CLMN: variants seen among roughly 807,000 people sequenced by gnomAD.
CLMN encodes calmin.
Under a neutral mutation model 92.7 loss-of-function variants are expected in CLMN, and 57 were observed. That is an observed-to-expected ratio of 0.61 (90% CI 0.50 to 0.77). The LOEUF (loss-of-function observed/expected upper bound fraction) is 0.77, where lower values mean the gene tolerates loss of function less well. Among genes scored for constraint, CLMN ranks in the 30% least tolerant of loss-of-function variants. CLMN has a pLI of 0.00. For synonymous variants in CLMN, 466 were observed against 470.6 expected (o/e 0.99, Z 0.13); for missense variants, 1,158 against 1,237.5 (o/e 0.94, Z 0.96).
At chr14:95,245,254 A>AATATAT (rs1194306550) in intron 1 of CLMN, among the ~76,000 whole-genome samples, 1 of 27,976 alleles carries the variant, frequency 3.6e-5, no homozygotes, top group Non-Finnish European at 5.8e-5. Flanking sequence ...ATATATATAT[A>AATATAT]ATATATATAT....
chr14:95,231,911 T>G (rs1182197533), intron 1 of CLMN, among the ~76,000 whole-genome samples: 2 of 152,268 alleles, frequency 1.3e-5, no homozygotes, highest in East Asian at 3.8e-4. Context: ...ATTTAATCCT[T>G]ACTACCATCC....
chr14:95,304,483 G>A (rs117136696), intron 1 of CLMN, among the ~76,000 whole-genome samples: 306 of 152,216 alleles, frequency 2.0e-3, no homozygotes, highest in Non-Finnish European at 3.6e-3. Flanking sequence ...AAAGTGCAGG[G>A]ATGCACTAAG....
intron 1 of CLMN, among the ~76,000 whole-genome samples, chr14:95,248,502 A>G (rs1898659294): frequency 1.3e-5 from 2 of 152,182 alleles, no homozygotes; most frequent in Non-Finnish European, 2.9e-5. Context: ...ATTACACAGT[A>G]CTGTCCGTTG....
intron 1 of CLMN, among the ~76,000 whole-genome samples, chr14:95,245,241 TATA>T (rs1898481052): frequency 5.9e-5 from 2 of 33,664 alleles, no homozygotes; most frequent in Non-Finnish European, 9.1e-5. Context: ...ATATATATTA[TATA>T]TATATATATA....
At chr14:95,300,685 A>C (rs763931205) in intron 1 of CLMN, among the ~76,000 whole-genome samples, 3 of 152,172 alleles carry the variant, frequency 2.0e-5, no homozygotes, top group Non-Finnish European at 1.5e-5. Flanking sequence ...TTCCACTTAA[A>C]AACACTACCT....
intron 1 of CLMN, among the ~76,000 whole-genome samples, chr14:95,311,437 C>T (rs2140798152): frequency 6.6e-6 from 1 of 152,246 alleles, no homozygotes; most frequent in Middle Eastern, 3.4e-3. Flanking sequence ...GTCTGCAGTT[C>T]TGCAGGAGCT....
At chr14:95,280,011 T>C (rs993563397) in intron 1 of CLMN, among the ~76,000 whole-genome samples, 1 of 152,044 alleles carries the variant, frequency 6.6e-6, no homozygotes, top group Non-Finnish European at 1.5e-5. Context: ...TAAAGGATTA[T>C]ATTAAGTTAG....
chr14:95,233,291 A>G (rs1897946160), intron 1 of CLMN, among the ~76,000 whole-genome samples: 1 of 152,064 alleles, frequency 6.6e-6, no homozygotes, highest in South Asian at 2.1e-4. Context: ...CTGACAGTCT[A>G]CACATAACTC....
chr14:95,318,802 A>C lies in CLMN; in HGVS notation c.82+909T>G, dbSNP rs115878047. 8.0e-3 allele frequency among the ~76,000 whole-genome samples: 1,225 copies of C among 152,272 alleles called. 18 individuals carry two copies. The highest frequency in any genetic ancestry group is 0.028 in the African/African-American group (1,170 of 41,546). On this transcript the variant is annotated intron_variant, in intron 1 of 12. Coordinates refer to ENST00000298912, the MANE Select transcript of CLMN (RefSeq NM_024734.4). The stretch of plus-strand genomic sequence containing the variant: ...GCAAAGCCCATATATGAAAAAAAAG[A>C]AGCTGGAGATACAGTTCCATGAAGA...
rs1489872019 is a variant in CLMN, at chr14:95,183,992, A to C, written c.*7572T>G. ...TTTGAGACAGGGTAGCTCAGAAAAA[A>C]GTAATGGATTGGAGAGAGGTTGGAA... On this transcript the variant is annotated 3_prime_UTR_variant, in exon 13 of 13. Coordinates refer to ENST00000298912, the MANE Select transcript of CLMN (RefSeq NM_024734.4). 2 of 152,214 alleles carry C rather than the reference A, an allele frequency of 1.3e-5. No individual in the cohort carries two copies. Among genetic ancestry groups the C allele is most frequent in the African/African-American group, 4.8e-5 (2 of 41,460 alleles). 9.4% of individuals were successfully genotyped at this position (152,214 alleles called of 1,614,324 possible).
At chr14:95,213,464 C>T in intron 5 of CLMN, 55 bp from the exon 6 acceptor site, 1 of 1,524,744 alleles carries the variant, frequency 6.6e-7, no homozygotes. Context: ...TCTCAGCAAG[C>T]CCCTTGTCTG....
intron 1 of CLMN, among the ~76,000 whole-genome samples, chr14:95,275,197 C>G (rs113464291): frequency 0.039 from 5,936 of 151,986 alleles, 374 homozygotes; most frequent in African/African-American, 0.13. Flanking sequence ...TGAATAGGGG[C>G]TGGGTAAAAT....
Position 95,242,574 on chromosome 14 carries a change from C to CTTTCTTTTTTTTTTTT in CLMN, c.83-12442_83-12441insAAAAAAAAAAAAGAAA, listed in dbSNP as rs749024477. Among the ~76,000 whole-genome samples the CTTTCTTTTTTTTTTTT allele has an allele frequency of 2.3e-3, 274 of 119,896 alleles. 10 individuals carry two copies. The highest frequency in any genetic ancestry group is 8.0e-3 in the African/African-American group (260 of 32,348). The allele number at this position is 119,896 out of a possible 152,430, so 78.7% of individuals were successfully genotyped here. ...CATGCCCAGCCTGGCATCTCTTTTT[C>CTTTCTTTTTTTTTTTT]TTTTTTTTTGAGACGGAGTCTCGCT... is the stretch of plus-strand genomic sequence containing the variant. On this transcript the variant is annotated intron_variant, in intron 1 of 12. Transcript: ENST00000298912.
rs1896484964 is a variant in CLMN, at chr14:95,188,278, G to A, written c.*3286C>T. 6.6e-6 allele frequency: 1 copy of A among 152,172 alleles called. No individual in the cohort carries two copies. Among genetic ancestry groups the A allele is most frequent in the Non-Finnish European group, 1.5e-5 (1 of 68,030 alleles). 9.4% of individuals were successfully genotyped at this position (152,172 alleles called of 1,614,324 possible). A position where few individuals can be genotyped will look rare whatever the true frequency, so the allele number is the denominator to read the frequency against. ...AGACCACCAAAATAAAGAGAACTCAGAGAAAATGAGGGCAACACAGGGAGC... is the reference window on the plus strand; with the variant it reads ...AGACCACCAAAATAAAGAGAACTCAAAGAAAATGAGGGCAACACAGGGAGC... On this transcript the variant is annotated 3_prime_UTR_variant, in exon 13 of 13. Transcript: ENST00000298912.
intron 1 of CLMN, among the ~76,000 whole-genome samples, chr14:95,257,513 G>T (rs1231811679): frequency 6.6e-6 from 1 of 152,186 alleles, no homozygotes; most frequent in Non-Finnish European, 1.5e-5. Flanking sequence ...CAATTAACTT[G>T]TATTATTTAA....
At position 95,228,815 on chromosome 14, in the gene CLMN, C is replaced by T. The variant is rs372443646; in HGVS notation, c.144+1257G>A. On this transcript the variant is annotated intron_variant, in intron 2 of 12. Transcript: ENST00000298912. ...TCAGCCTCCCCAGTAGCTGGGACTA[C>T]GGGCATGAGCCACCACGCCCAGCTA... 8.7e-4 allele frequency among the ~76,000 whole-genome samples: 132 copies of T among 152,312 alleles called. 1 individual carries two copies. The South Asian group carries it at 0.015, about 17-fold the overall frequency.
At chr14:95,317,221 TC>T (rs1160763425) in intron 1 of CLMN, among the ~76,000 whole-genome samples, 3 of 152,146 alleles carry the variant, frequency 2.0e-5, no homozygotes, top group Admixed American at 6.5e-5. Context: ...GGCTGAGACT[TC>T]CTGAGTACCA....
intron 1 of CLMN, among the ~76,000 whole-genome samples, chr14:95,317,499 A>C (rs1901837478): frequency 6.6e-6 from 1 of 152,156 alleles, no homozygotes; most frequent in Non-Finnish European, 1.5e-5. Context: ...TGAATGAATC[A>C]TCAAACAGCG....
chr14:95,239,364 G>A (rs1308149337), intron 1 of CLMN, among the ~76,000 whole-genome samples: 1 of 152,076 alleles, frequency 6.6e-6, no homozygotes, highest in Non-Finnish European at 1.5e-5. Context: ...AAGAAGGAAG[G>A]AAGAGAGGGA....
Sources: gnomAD v4.1 joint callset for allele counts (sites outside exome capture counted in the v4.1 genomes callset) on GRCh38, gnomAD v4.1.1 for gene constraint, MANE v1.5 for transcripts, NCBI Gene and HGNC (gene_info 2026-07-23, HGNC 2026-07-21) for gene names.